Variants in MAD1L1 observed in about 807,000 individuals in gnomAD.
MAD1L1 encodes mitotic spindle assembly checkpoint protein MAD1.
Under a neutral mutation model 96.9 loss-of-function variants are expected in MAD1L1, and 95 were observed. The ratio of observed to expected loss-of-function variants is 0.98; its 90% confidence interval spans 0.83 to 1.16. The LOEUF (loss-of-function observed/expected upper bound fraction) is 1.16. Among genes scored for constraint, MAD1L1 ranks in the 50% most tolerant of loss-of-function variants. MAD1L1 has a pLI of 0.00. For missense variants in MAD1L1, 1,007 were observed against 954.4 expected, an observed-to-expected ratio of 1.06 and a Z score of -0.73; for synonymous variants, 473 against 396.6, an observed-to-expected ratio of 1.19 and a Z score of -2.29.
intron 14 of MAD1L1, among the ~76,000 whole-genome samples, chr7:1,993,492 C>A (rs150283295): frequency 0.011 from 1,716 of 152,356 alleles, 20 homozygotes; most frequent in Middle Eastern, 0.082. Context: ...CAGACACACT[C>A]TGAGGCTCTG....
rs536359397 is a variant in MAD1L1, at chr7:1,837,988, C to T, written c.1999-21760G>A. ...AGGCCAGCCTGGTGAAACACGGCAG[C>T]GTGCTGCTTCTCCAGACAAAACTGC... On this transcript the variant is annotated intron_variant, in intron 18 of 18. Coordinates refer to ENST00000265854, the MANE Select transcript of MAD1L1 (RefSeq NM_001013836.2). 9.2e-5 allele frequency among the ~76,000 whole-genome samples: 14 copies of T among 152,322 alleles called. No homozygotes were observed. The East Asian group carries it at 1.7e-3, about 19-fold the overall frequency.
At chr7:1,864,228 G>T (rs1363869913) in intron 18 of MAD1L1, among the ~76,000 whole-genome samples, 1 of 152,202 alleles carries the variant, frequency 6.6e-6, no homozygotes, top group Non-Finnish European at 1.5e-5. Flanking sequence ...CTGGCCACTT[G>T]TGTTGCTAGC....
intron 18 of MAD1L1, among the ~76,000 whole-genome samples, chr7:1,894,994 C>T (rs982756269): frequency 2.0e-5 from 3 of 152,148 alleles, no homozygotes; most frequent in African/African-American, 4.8e-5. Context: ...ATAAAACCTC[C>T]GGCAGACTCG....
chr7:1,878,275 AG>A (rs1785487776), intron 18 of MAD1L1, among the ~76,000 whole-genome samples: 1 of 152,146 alleles, frequency 6.6e-6, no homozygotes, highest in Admixed American at 6.5e-5. Context: ...AAATTCTTCC[AG>A]AAAAAAGAGG....
intron 11 of MAD1L1, among the ~76,000 whole-genome samples, chr7:2,076,459 A>G (rs571113330): frequency 1.1e-4 from 16 of 152,338 alleles, no homozygotes; most frequent in African/African-American, 3.8e-4. Flanking sequence ...TGCACTCCTC[A>G]GCTCCACAGC....
intron 10 of MAD1L1, among the ~76,000 whole-genome samples, chr7:2,161,266 C>T (rs972565159): frequency 2.0e-5 from 3 of 151,824 alleles, no homozygotes; most frequent in Non-Finnish European, 4.4e-5. Flanking sequence ...GCCGCCAAGC[C>T]TGACTGGTTT....
chr7:1,955,065 C>T (rs532072943), intron 16 of MAD1L1, among the ~76,000 whole-genome samples: 8 of 152,350 alleles, frequency 5.3e-5, no homozygotes, highest in South Asian at 2.1e-4. Flanking sequence ...GGGAGGGCAG[C>T]GGCACTCGCG....
intron 10 of MAD1L1, among the ~76,000 whole-genome samples, chr7:2,154,891 C>T (rs867753117): frequency 2.1e-4 from 32 of 152,282 alleles, no homozygotes; most frequent in Non-Finnish European, 2.4e-4. Flanking sequence ...CCGGCGCCCT[C>T]TTCTCGTATT....
At chr7:2,183,910 AAAAAAT>A (rs199709421) in intron 10 of MAD1L1, among the ~76,000 whole-genome samples, 20 of 152,020 alleles carry the variant, frequency 1.3e-4, no homozygotes, top group South Asian at 4.2e-4. Context: ...AATAATAATA[AAAAAAT>A]AAAAATAAAA....
intron 12 of MAD1L1, among the ~76,000 whole-genome samples, chr7:2,017,406 G>A (rs999866220): frequency 5.9e-5 from 9 of 152,198 alleles, no homozygotes; most frequent in East Asian, 1.9e-4. Flanking sequence ...TGCAACGAAC[G>A]GCCATGTGAA....
intron 11 of MAD1L1, among the ~76,000 whole-genome samples, chr7:2,124,313 G>A (rs1788125268): frequency 6.6e-6 from 1 of 152,224 alleles, no homozygotes; most frequent in African/African-American, 2.4e-5. Flanking sequence ...CCTCGCCCAG[G>A]AGCAAAACGC....
At chr7:2,213,183 G>A (rs375624174) in intron 10 of MAD1L1, 29 bp downstream of exon 10, 14 of 1,613,088 alleles carry the variant, frequency 8.7e-6, no homozygotes, top group Non-Finnish European at 1.1e-5. Flanking sequence ...AAAGAAGGCG[G>A]GACCCCGGAG....
intron 11 of MAD1L1, among the ~76,000 whole-genome samples, chr7:2,141,361 C>T (rs1049652329): frequency 6.6e-6 from 1 of 152,262 alleles, no homozygotes; most frequent in Non-Finnish European, 1.5e-5. Context: ...GGCTGGACCC[C>T]CTCTCAGGAG....
At chr7:2,155,852 G>T (rs1789807543) in intron 10 of MAD1L1, among the ~76,000 whole-genome samples, 1 of 152,092 alleles carries the variant, frequency 6.6e-6, no homozygotes, top group African/African-American at 2.4e-5. Flanking sequence ...CCCCTTTTCG[G>T]TTTTTCCGAG....
In MAD1L1 at chr7:2,019,383, A is replaced by C. The variant is rs1782680494; in HGVS notation, c.1219-4741T>G. On this transcript the variant is annotated intron_variant, in intron 12 of 18. Coordinates refer to ENST00000265854, the MANE Select transcript of MAD1L1 (RefSeq NM_001013836.2). ...GAACATGATGACAGGCGAAAGCGGCAGTAATAAGCGCCTCGGAGGACCCAC... is the reference window on the plus strand; with the variant it reads ...GAACATGATGACAGGCGAAAGCGGCCGTAATAAGCGCCTCGGAGGACCCAC... 2.0e-5 allele frequency among the ~76,000 whole-genome samples: 3 copies of C among 152,184 alleles called. No homozygotes were observed. In the South Asian group the frequency reaches 6.2e-4, roughly 32 times the overall value.
chr7:2,059,817 G>A (rs1221779839), intron 12 of MAD1L1, among the ~76,000 whole-genome samples: 2 of 152,142 alleles, frequency 1.3e-5, no homozygotes, highest in Non-Finnish European at 2.9e-5. Flanking sequence ...GGGTCAATGT[G>A]CAGGACCCAA....
rs536515106 is a variant in MAD1L1, at chr7:2,032,650, C to T, written c.1219-18008G>A. Among the ~76,000 whole-genome samples, 18 of 152,344 alleles carry T rather than the reference C, an allele frequency of 1.2e-4. No individual in the cohort carries two copies. The East Asian group carries it at 3.5e-3, about 29-fold the overall frequency. ...GAGGAGAATTCAAAACAAGATGACT[C>T]GCCCATGGGAAGTACCTCCCACCAG... On this transcript the variant is annotated intron_variant, in intron 12 of 18. Transcript: ENST00000265854.
intron 14 of MAD1L1, among the ~76,000 whole-genome samples, chr7:1,986,906 G>C (rs955357509): frequency 6.6e-6 from 1 of 151,698 alleles, no homozygotes; most frequent in Non-Finnish European, 1.5e-5. Context: ...TTGAGCCTGT[G>C]CCCGACACCC....
chr7:1,947,703 GCCGCACAC>G (rs1258847067), intron 16 of MAD1L1, among the ~76,000 whole-genome samples: 1 of 152,198 alleles, frequency 6.6e-6, no homozygotes, highest in Non-Finnish European at 1.5e-5. Context: ...GGCCTTGCCT[GCCGCACAC>G]GGCTGGGTTG....
Sources: gnomAD v4.1 joint callset for allele counts (sites outside exome capture counted in the v4.1 genomes callset) on GRCh38, gnomAD v4.1.1 for gene constraint, MANE v1.5 for transcripts, NCBI Gene and HGNC (gene_info 2026-07-23, HGNC 2026-07-21) for gene names.